ACTR3C: variants seen among roughly 807,000 people sequenced by gnomAD.
ACTR3C encodes actin related protein 3C.
In ACTR3C, 18 loss-of-function variants were observed where a neutral mutation model predicts 26.3. That is an observed-to-expected ratio of 0.68 (90% CI 0.47 to 1.01). ACTR3C has a LOEUF of 1.01. ACTR3C is among the 50% of genes least tolerant of loss of function. ACTR3C has a pLI of 0.00. For synonymous variants in ACTR3C, 55 were observed against 94.5 expected, an observed-to-expected ratio of 0.58 and a Z score of 2.42; for missense variants, 184 against 250.7, an observed-to-expected ratio of 0.73 and a Z score of 1.80.
At chr7:149,953,927 C>T in the ACTR3C span, among the ~76,000 whole-genome samples, 6 of 139,006 alleles carry the variant, frequency 4.3e-5, no homozygotes, top group Non-Finnish European at 9.2e-5. Flanking sequence ...TCCGCTTTGG[C>T]ATATGGAAGA....
the ACTR3C span, among the ~76,000 whole-genome samples, chr7:150,152,773 C>T: frequency 6.6e-6 from 1 of 152,082 alleles, no homozygotes; most frequent in Non-Finnish European, 1.5e-5. Context: ...TGGTCCTGGA[C>T]TCTTTTTGGT....
At chr7:150,114,504 C>T in the ACTR3C span, among the ~76,000 whole-genome samples, 6 of 151,892 alleles carry the variant, frequency 4.0e-5, no homozygotes, top group Non-Finnish European at 5.9e-5. Flanking sequence ...GATAGCTTCT[C>T]TACTTAGACA....
chr7:149,972,990 G>A, the ACTR3C span, among the ~76,000 whole-genome samples: 16 of 151,744 alleles, frequency 1.1e-4, no homozygotes, highest in East Asian at 1.4e-3. Context: ...GGTAAGCCCC[G>A]TGCATGGGCA....
In ACTR3C at chr7:150,276,322, G is replaced by T. The variant is rs1056595840; in HGVS notation, c.564+8431C>A. On this transcript the variant is annotated intron_variant, in intron 6 of 7. Transcript: ENST00000683684. Reference sequence around the variant, plus strand: ...CATCCTCTGTAACTGCAGGTGCAAGGTAAAGAACCGCTCATAGACATGCCT... The same window carrying T: ...CATCCTCTGTAACTGCAGGTGCAAGTTAAAGAACCGCTCATAGACATGCCT... Among the ~76,000 whole-genome samples the T allele has an allele frequency of 4.6e-5, 7 of 152,114 alleles. 1 individual carries two copies. Among genetic ancestry groups the T allele is most frequent in the Admixed American group, 1.3e-4 (2 of 15,274 alleles).
the ACTR3C span, among the ~76,000 whole-genome samples, chr7:149,914,603 TA>T: frequency 0.21 from 27,014 of 128,048 alleles, 2,521 homozygotes; most frequent in East Asian, 0.26. Flanking sequence ...ACAGAAGTAG[TA>T]AAAAAAAAAA....
the ACTR3C span, among the ~76,000 whole-genome samples, chr7:150,173,633 C>T: frequency 6.9e-6 from 1 of 144,714 alleles, no homozygotes; most frequent in Non-Finnish European, 1.5e-5. Context: ...TACTTATGCA[C>T]ATTTCTGCAG....
the ACTR3C span, among the ~76,000 whole-genome samples, chr7:149,954,148 A>T: frequency 6.6e-6 from 1 of 151,470 alleles, no homozygotes; most frequent in Admixed American, 6.6e-5. Context: ...AGTGATTACA[A>T]TGATAAGGTC....
At chr7:150,307,336 C>T (rs901498567) in intron 1 of ACTR3C, among the ~76,000 whole-genome samples, 4 of 152,114 alleles carry the variant, frequency 2.6e-5, no homozygotes, top group Non-Finnish European at 5.9e-5. Context: ...CTGGTGCAGC[C>T]AAAAAACCAC....
chr7:150,081,920 T>C, the ACTR3C span, among the ~76,000 whole-genome samples: 2 of 151,902 alleles, frequency 1.3e-5, no homozygotes, highest in Non-Finnish European at 2.9e-5. Context: ...ATTTACATTC[T>C]GCTCATGCAA....
At chr7:150,144,814 G>C in the ACTR3C span, among the ~76,000 whole-genome samples, 1 of 152,124 alleles carries the variant, frequency 6.6e-6, no homozygotes, top group Non-Finnish European at 1.5e-5. The surrounding 1 kb of genome is among the most constrained non-coding windows in gnomAD (Gnocchi z 4.6). Context: ...GTGGGAGGCC[G>C]AGGTGGGCAG....
the ACTR3C span, among the ~76,000 whole-genome samples, chr7:150,159,987 G>A: frequency 1.3e-5 from 2 of 151,990 alleles, no homozygotes; most frequent in Non-Finnish European, 2.9e-5. Flanking sequence ...TAGAGACGGG[G>A]TTTCACCATG....
At chr7:150,164,023 G>A in the ACTR3C span, among the ~76,000 whole-genome samples, 1 of 152,312 alleles carries the variant, frequency 6.6e-6, no homozygotes, top group East Asian at 1.9e-4. Flanking sequence ...AGGGACAAGT[G>A]GATAAATATC....
At chr7:150,308,245 C>T (rs558775997) in intron 1 of ACTR3C, among the ~76,000 whole-genome samples, 3 of 152,214 alleles carry the variant, frequency 2.0e-5, no homozygotes, top group African/African-American at 4.8e-5. Flanking sequence ...TATGGGCAAC[C>T]TTCCACCCTC....
the ACTR3C span, among the ~76,000 whole-genome samples, chr7:150,209,310 CAG>C: frequency 2.1e-3 from 256 of 124,758 alleles, 4 homozygotes; most frequent in Admixed American, 1.9e-3. Context: ...GAGACAGAAA[CAG>C]AGAGAGAGAG....
the ACTR3C span, among the ~76,000 whole-genome samples, chr7:149,883,237 C>T: frequency 6.6e-6 from 1 of 152,156 alleles, no homozygotes; most frequent in African/African-American, 2.4e-5. Context: ...TGCCAGAAGC[C>T]ATGCTAGGGT....
the ACTR3C span, among the ~76,000 whole-genome samples, chr7:150,104,955 A>T: frequency 6.6e-6 from 1 of 152,038 alleles, no homozygotes; most frequent in African/African-American, 2.4e-5. Flanking sequence ...ACACTTAATT[A>T]CTGTATGCCA....
chr7:150,023,821 G>A, the ACTR3C span, among the ~76,000 whole-genome samples: 3 of 143,830 alleles, frequency 2.1e-5, no homozygotes, highest in Non-Finnish European at 4.6e-5. Context: ...CTGGGCTGGT[G>A]GGCACGGCCG....
At chr7:149,938,915 G>GTATAA in the ACTR3C span, among the ~76,000 whole-genome samples, 1 of 144,716 alleles carries the variant, frequency 6.9e-6, no homozygotes, top group East Asian at 2.0e-4. Context: ...AAATAAATAA[G>GTATAA]TATAAATATA....
chr7:149,889,891 A>T, the ACTR3C span, among the ~76,000 whole-genome samples: 6 of 152,332 alleles, frequency 3.9e-5, no homozygotes, highest in East Asian at 1.2e-3. Context: ...ACAGTAAAAT[A>T]AAATAAACCA....
Sources: gnomAD v4.1 joint callset for allele counts (sites outside exome capture counted in the v4.1 genomes callset) on GRCh38, gnomAD v4.1.1 for gene constraint, Gnocchi (gnomAD v3.1) non-coding constraint, MANE v1.5 for transcripts, NCBI Gene and HGNC (gene_info 2026-07-23, HGNC 2026-07-21) for gene names.